Variants in C11orf58 observed in about 807,000 individuals in gnomAD.
The protein encoded by C11orf58 is chromosome 11 open reading frame 58.
C11orf58 carries 5 observed loss-of-function variants against 22.7 expected under a neutral mutation model. The ratio of observed to expected loss-of-function variants is 0.22; its 90% confidence interval spans 0.12 to 0.46. C11orf58 has a LOEUF of 0.46. C11orf58 is among the 20% of genes least tolerant of loss of function. The pLI is 0.99. For synonymous variants in C11orf58, 71 were observed against 70.7 expected, an observed-to-expected ratio of 1.00 and a Z score of -0.02; for missense variants, 151 against 223.3, an observed-to-expected ratio of 0.68 and a Z score of 2.06.
At chr11:16,743,781 TAATG>T (rs1018408872) in intron 1 of C11orf58, among the ~76,000 whole-genome samples, 1 of 152,030 alleles carries the variant, frequency 6.6e-6, no homozygotes, top group Non-Finnish European at 1.5e-5. Context: ...GAATTATAAA[TAATG>T]AATTATAAAT....
At chr11:16,752,749 T>A (rs1354673166) in intron 3 of C11orf58, 36 bp from the exon 4 acceptor site, 1 of 1,431,414 alleles carries the variant, frequency 7.0e-7, no homozygotes. Flanking sequence ...ATTATTAATT[T>A]GACTGAAACA....
In C11orf58 at chr11:16,752,792, AGAC is replaced by A. The variant is rs1848543635; in HGVS notation, c.217_219del (p.Asp73del). The A allele has an allele frequency of 6.2e-7, 1 of 1,606,796 alleles. No individual in the cohort carries two copies. On this transcript the variant is annotated inframe_deletion, in exon 4 of 5. Transcript: ENST00000228136. The stretch of plus-strand genomic sequence containing the variant: ...AGTATCCTGGACATGCAGGGGAAGA[AGAC>A]AAGAAAATTAATGAAGAACTGGAGT...
rs564428746 is a variant in C11orf58, at chr11:16,738,693, G to T, written c.-86G>T. The T allele has an allele frequency of 7.6e-6, 11 of 1,444,534 alleles. No individual in the cohort carries two copies. In the African/African-American group the frequency reaches 1.4e-4, roughly 18 times the overall value. The allele number at this position is 1,444,534 out of a possible 1,614,324, so 89.5% of individuals were successfully genotyped here. On this transcript the variant is annotated 5_prime_UTR_variant, in exon 1 of 5. Coordinates refer to ENST00000228136, the MANE Select transcript of C11orf58 (RefSeq NM_014267.6). ...TGCGTTCTGTAGTGGCGCTGCTTGG[G>T]CCCTTGGCGGATTGTAAGCTGCTGG... is the stretch of plus-strand genomic sequence containing the variant.
rs191251731 is a variant in C11orf58, at chr11:16,744,034, A to G, written c.64-567A>G. Among the ~76,000 whole-genome samples, 1,147 of 151,664 alleles carry G rather than the reference A, an allele frequency of 7.6e-3. 12 individuals are homozygous for G. The highest frequency in any genetic ancestry group is 0.027 in the African/African-American group (1,095 of 41,296). The stretch of plus-strand genomic sequence containing the variant: ...AAAGTAATGACATCTCAATCCTAAC[A>G]AGTAACTAGAACTGCTAAAAAAAAA... On this transcript the variant is annotated intron_variant, in intron 1 of 4. Coordinates refer to ENST00000228136, the MANE Select transcript of C11orf58 (RefSeq NM_014267.6).
At chr11:16,752,950 T>A (rs569127190) in intron 4 of C11orf58, 56 bp downstream of exon 4, 4 of 1,333,472 alleles carry the variant, frequency 3.0e-6, no homozygotes, top group Non-Finnish European at 4.2e-6. Flanking sequence ...TTGGTACCAT[T>A]TATTGCTGTT....
chr11:16,751,356 G>C (rs1848531330), intron 3 of C11orf58: 1 of 152,102 alleles, frequency 6.6e-6, no homozygotes. Flanking sequence ...ACAAAAATTA[G>C]CTAGGCATGG....
At chr11:16,744,756 A>G (rs1848475442) in intron 2 of C11orf58, 72 bp downstream of exon 2, 16 of 1,363,208 alleles carry the variant, frequency 1.2e-5, no homozygotes, top group Middle Eastern at 3.7e-4. Flanking sequence ...GCTAAGTAAG[A>G]AGGACTGAAT....
At chr11:16,746,892 C>G (rs1848491690) in intron 2 of C11orf58, 1 of 152,222 alleles carries the variant, frequency 6.6e-6, no homozygotes, top group African/African-American at 2.4e-5. Flanking sequence ...TCCTTTGCCT[C>G]CCAAAGTGCT....
At chr11:16,748,030 A>G (rs1450787322) in intron 2 of C11orf58, 67 bp from the exon 3 acceptor site, 1 of 1,225,678 alleles carries the variant, frequency 8.2e-7, no homozygotes. Flanking sequence ...TTTTCAGCAC[A>G]TAGTAGATAC....
In C11orf58 at chr11:16,738,665, C is replaced by T. The variant is rs927512150; in HGVS notation, c.-114C>T. 13 of 1,190,816 alleles carry T rather than the reference C, an allele frequency of 1.1e-5. No individual in the cohort carries two copies. Among genetic ancestry groups the T allele is most frequent in the Non-Finnish European group, 1.5e-5 (12 of 802,080 alleles). The allele number at this position is 1,190,816 out of a possible 1,614,324, so 73.8% of individuals were successfully genotyped here. A position where few individuals can be genotyped will look rare whatever the true frequency, so the allele number is the denominator to read the frequency against. ...CTGTGGCAGAGAAGGCCCGGAGGGG[C>T]TCTGCGTTCTGTAGTGGCGCTGCTT... On this transcript the variant is annotated 5_prime_UTR_variant, in exon 1 of 5. Transcript: ENST00000228136.
At chr11:16,744,866 A>T (rs747342874) in intron 2 of C11orf58, among the ~76,000 whole-genome samples, 182 bp downstream of exon 2, 2 of 152,190 alleles carry the variant, frequency 1.3e-5, no homozygotes, top group African/African-American at 2.4e-5. Context: ...TTTTTGAGCC[A>T]CTTCTAGGAT....
chr11:16,738,916 G>T (rs1404143470), intron 1 of C11orf58, 75 bp downstream of exon 1: 2 of 1,554,550 alleles, frequency 1.3e-6, no homozygotes, highest in African/African-American at 2.7e-5. Context: ...GGTGGTTGGA[G>T]GAGGACGCGC....
At chr11:16,746,636 T>C (rs1330159099) in intron 2 of C11orf58, 1 of 152,206 alleles carries the variant, frequency 6.6e-6, no homozygotes, top group Non-Finnish European at 1.5e-5. Flanking sequence ...CATCCTAATA[T>C]AAAATATATG....
Position 16,755,270 on chromosome 11 carries a change from G to A in C11orf58, c.*166G>A. The A allele has an allele frequency of 1.3e-6, 1 of 751,768 alleles. No individual in the cohort carries two copies. Among genetic ancestry groups the A allele is most frequent in the South Asian group, 1.9e-5 (1 of 53,028 alleles). 46.6% of individuals were successfully genotyped at this position (751,768 alleles called of 1,614,324 possible). ...AAATGCCATGGGTTACACTTTTATG[G>A]GCATGACTATAACCATTTTTGTAAA... On this transcript the variant is annotated 3_prime_UTR_variant, in exon 5 of 5. Transcript: ENST00000228136.
chr11:16,757,477 T>C lies in C11orf58; in HGVS notation c.*2373T>C, dbSNP rs935556600. On this transcript the variant is annotated 3_prime_UTR_variant, in exon 5 of 5. Transcript: ENST00000228136. ...AATTCAGGGTTAGAGTAAATTTAGG[T>C]CTGTTGGTCCATGTGGCCTGGTTTC... is the stretch of plus-strand genomic sequence containing the variant. 2.0e-5 allele frequency among the ~76,000 whole-genome samples: 3 copies of C among 152,202 alleles called. No homozygotes were observed. The highest frequency in any genetic ancestry group is 4.4e-5 in the Non-Finnish European group (3 of 68,028).
chr11:16,753,447 C>A (rs1422297577), intron 4 of C11orf58, among the ~76,000 whole-genome samples: 1 of 152,008 alleles, frequency 6.6e-6, no homozygotes, highest in Non-Finnish European at 1.5e-5. Flanking sequence ...CTCACTGCAA[C>A]TTCCACCTCC....
intron 3 of C11orf58, 155 bp downstream of exon 3, chr11:16,748,312 CGGTT>C: frequency 2.3e-5 from 13 of 568,448 alleles, no homozygotes; most frequent in Non-Finnish European, 3.3e-5. Context: ...CCTGTAATCC[CGGTT>C]ATTTGGGAGG....
At chr11:16,744,530 C>A in intron 1 of C11orf58, 71 bp from the exon 2 acceptor site, 2 of 1,231,726 alleles carry the variant, frequency 1.6e-6, no homozygotes, top group South Asian at 1.3e-5. Context: ...TTGAGAGTTA[C>A]AGGTAGACTT....
rs551927543 is a variant in C11orf58 at position 16,757,851 on chromosome 11, T to C, written c.*2747T>C. Reference sequence around the variant, plus strand: ...TAGGCAAAAGTCCTCTTCTCTAGTATAATTTTTTAAATCTGAGAGAATTGA... The same window carrying C: ...TAGGCAAAAGTCCTCTTCTCTAGTACAATTTTTTAAATCTGAGAGAATTGA... On this transcript the variant is annotated 3_prime_UTR_variant, in exon 5 of 5. Transcript: ENST00000228136. 3.8e-4 allele frequency among the ~76,000 whole-genome samples: 58 copies of C among 152,384 alleles called. No homozygotes were observed. The highest frequency in any genetic ancestry group is 1.3e-3 in the African/African-American group (56 of 41,592).
Sources: allele counts gnomAD v4.1 joint callset (sites outside exome capture counted in the v4.1 genomes callset), GRCh38; gene constraint gnomAD v4.1.1; transcripts MANE v1.5; gene names NCBI Gene and HGNC (gene_info 2026-07-23, HGNC 2026-07-21).